PITPNC1: variants seen among roughly 807,000 people sequenced by gnomAD.
PITPNC1 encodes phosphatidylinositol transfer protein cytoplasmic 1, also known as cytoplasmic phosphatidylinositol transfer protein 1.
A neutral mutation model predicts 44.7 loss-of-function variants in PITPNC1; 18 were observed. The observed-to-expected ratio is 0.40, with a 90% CI of 0.28 to 0.60. The LOEUF (loss-of-function observed/expected upper bound fraction) is 0.60, where lower values mean the gene tolerates loss of function less well. PITPNC1 is among the 20% of genes least tolerant of loss of function. PITPNC1 has a pLI of 0.39. For synonymous variants in PITPNC1, 141 were observed against 149.6 expected (o/e 0.94, Z 0.42); for missense variants, 290 against 418.4 (o/e 0.69, Z 2.68).
In PITPNC1 at chr17:67,632,203, G is replaced by A. The variant is rs777936488; in HGVS notation, c.427G>A (p.Asp143Asn). The A allele has an allele frequency of 8.1e-6, 13 of 1,612,368 alleles. No homozygotes were observed. The highest frequency in any genetic ancestry group is 8.0e-5 in the African/African-American group (6 of 74,882). ...AGTTTGCTTTATTGATATTGCCTGC[G>A]ATGAAATTCCAGAGCGCTACTACAA... Reference protein sequence around the residue: ...REVCFIDIACDEIPERYYKES... With the variant: ...REVCFIDIACNEIPERYYKES... The change falls in exon 6 of 9, where the codon GAT becomes AAT. Residue 143 changes from aspartate (D) to asparagine (N), a missense_variant. Transcript: ENST00000581322.
intron 7 of PITPNC1, 64 bp from the exon 8 acceptor site, chr17:67,675,415 C>A: frequency 2.7e-6 from 3 of 1,120,244 alleles, no homozygotes; most frequent in Non-Finnish European, 4.1e-6. Flanking sequence ...TTGTTAACAA[C>A]TTGTCTTCCA....
At chr17:67,438,473 G>A (rs771034135) in intron 1 of PITPNC1, among the ~76,000 whole-genome samples, 1 of 152,070 alleles carries the variant, frequency 6.6e-6, no homozygotes, top group Non-Finnish European at 1.5e-5. Flanking sequence ...CTGTCACCAT[G>A]CCTGGCTAAT....
chr17:67,421,827 A>G (rs2143867472), intron 1 of PITPNC1, among the ~76,000 whole-genome samples: 1 of 152,304 alleles, frequency 6.6e-6, no homozygotes, highest in South Asian at 2.1e-4. Context: ...GTAAATATTT[A>G]TCAAGTTCTG....
intron 4 of PITPNC1, among the ~76,000 whole-genome samples, chr17:67,560,395 A>G (rs1313637797): frequency 6.6e-6 from 1 of 152,256 alleles, no homozygotes; most frequent in Non-Finnish European, 1.5e-5. Context: ...AGAATGCCCA[A>G]CAGTAATGGA....
At chr17:67,669,358 C>T (rs1480912136) in intron 6 of PITPNC1, 150 bp from the exon 7 acceptor site, 4 of 529,300 alleles carry the variant, frequency 7.6e-6, no homozygotes, top group East Asian at 3.5e-5. Context: ...TCAGGTGATC[C>T]GCCCGCCTCA....
chr17:67,679,366 G>C (rs1464564872), intron 8 of PITPNC1, among the ~76,000 whole-genome samples: 2 of 152,202 alleles, frequency 1.3e-5, no homozygotes, highest in Non-Finnish European at 2.9e-5. Flanking sequence ...AGATGAATTA[G>C]AAAAAGGTGC....
rs1555578625 is a variant in PITPNC1, at chr17:67,660,500, A to AT, written c.463-9007dup. Among the ~76,000 whole-genome samples the AT allele has an allele frequency of 6.3e-3, 937 of 149,260 alleles. 15 individuals carry two copies. Among genetic ancestry groups the AT allele is most frequent in the African/African-American group, 0.022 (867 of 40,002 alleles). ...TATTAGTCTTTTTCATGTATCATAT[A>AT]TATTTTATTTTATTTTATTTTATTT... On this transcript the variant is annotated intron_variant, in intron 6 of 8. Transcript: ENST00000581322.
At chr17:67,540,639 A>G (rs184975492) in intron 2 of PITPNC1, among the ~76,000 whole-genome samples, 186 of 152,328 alleles carry the variant, frequency 1.2e-3, no homozygotes, top group African/African-American at 4.2e-3. Context: ...ACAATTAAAC[A>G]TAATATTTTA....
At chr17:67,683,482 A>G (rs1235690831) in intron 8 of PITPNC1, among the ~76,000 whole-genome samples, 5 of 152,208 alleles carry the variant, frequency 3.3e-5, no homozygotes, top group African/African-American at 1.2e-4. Context: ...AAATATTTAC[A>G]TCATGTTCAT....
At chr17:67,652,273 T>C (rs916965715) in intron 6 of PITPNC1, among the ~76,000 whole-genome samples, 1 of 152,170 alleles carries the variant, frequency 6.6e-6, no homozygotes, top group Non-Finnish European at 1.5e-5. Context: ...CAAGCTCTCC[T>C]GTGGGCTTCT....
At chr17:67,449,024 C>A (rs2039140051) in intron 1 of PITPNC1, among the ~76,000 whole-genome samples, 1 of 152,218 alleles carries the variant, frequency 6.6e-6, no homozygotes, top group African/African-American at 2.4e-5. Flanking sequence ...GCCTCGGCCT[C>A]CCAAAATGCT....
At chr17:67,687,501 C>G (rs987255159) in intron 8 of PITPNC1, among the ~76,000 whole-genome samples, 1 of 152,212 alleles carries the variant, frequency 6.6e-6, no homozygotes, top group Non-Finnish European at 1.5e-5. Context: ...AAATCGATGT[C>G]ATATGTAAAC....
At chr17:67,483,739 A>G (rs746996515) in intron 1 of PITPNC1, among the ~76,000 whole-genome samples, 2 of 152,176 alleles carry the variant, frequency 1.3e-5, no homozygotes, top group Non-Finnish European at 2.9e-5. Flanking sequence ...GTAGCCTTCA[A>G]GCCCTGGGGG....
rs138520609 is a variant in PITPNC1, at chr17:67,450,878, C to T, written c.48+72676C>T. Reference sequence around the variant, plus strand: ...ACTCCCCAATGTCCCCTTCCCCCACCCTCTGGTAACCTTTATCCTATGTTC... The same window carrying T: ...ACTCCCCAATGTCCCCTTCCCCCACTCTCTGGTAACCTTTATCCTATGTTC... On this transcript the variant is annotated intron_variant, in intron 1 of 8. Transcript: ENST00000581322. Among the ~76,000 whole-genome samples, 935 of 152,308 alleles carry T rather than the reference C, an allele frequency of 6.1e-3. 15 individuals carry two copies. The highest frequency in any genetic ancestry group is 0.021 in the African/African-American group (891 of 41,556).
At chr17:67,549,423 A>T (rs192109514) in intron 2 of PITPNC1, among the ~76,000 whole-genome samples, 29 of 152,290 alleles carry the variant, frequency 1.9e-4, no homozygotes, top group African/African-American at 6.7e-4. Flanking sequence ...TGACTAAATG[A>T]TCGTGGTTTT....
chr17:67,442,753 G>T (rs1047194060), intron 1 of PITPNC1, among the ~76,000 whole-genome samples: 2 of 151,834 alleles, frequency 1.3e-5, no homozygotes, highest in African/African-American at 4.8e-5. Context: ...TACTTTGGAG[G>T]ATGAGGCAGG....
At chr17:67,603,406 G>C (rs186238936) in intron 5 of PITPNC1, among the ~76,000 whole-genome samples, 123 of 152,270 alleles carry the variant, frequency 8.1e-4, no homozygotes, top group African/African-American at 2.8e-3. Context: ...ATTTACATGA[G>C]CCCAGCATCT....
chr17:67,655,494 G>T (rs1305031176), intron 6 of PITPNC1, among the ~76,000 whole-genome samples: 3 of 145,358 alleles, frequency 2.1e-5, no homozygotes, highest in African/African-American at 8.0e-5. Flanking sequence ...TGGGAGGCGA[G>T]GCTTGTAGTG....
rs574889894 is a variant in PITPNC1, at chr17:67,621,754, A to G, written c.367-10389A>G. Among the ~76,000 whole-genome samples, 4 of 152,272 alleles carry G rather than the reference A, an allele frequency of 2.6e-5. 1 individual carries two copies. The Middle Eastern group carries it at 0.01, about 388-fold the overall frequency. ...TGCTGTCCTTAAGTACAGTAATTCT[A>G]TCTTAAGAACAAATAACAGTTACCC... On this transcript the variant is annotated intron_variant, in intron 5 of 8. Transcript: ENST00000581322.
Sources: gnomAD v4.1 joint callset for allele counts (sites outside exome capture counted in the v4.1 genomes callset) on GRCh38, gnomAD v4.1.1 for gene constraint, MANE v1.5 for transcripts, NCBI Gene and HGNC (gene_info 2026-07-23, HGNC 2026-07-21) for gene names.